TNIK: variants seen among roughly 807,000 people sequenced by gnomAD.
TNIK encodes TRAF2 and NCK interacting kinase, also known as TRAF2 and NCK-interacting protein kinase.
TNIK carries 49 observed loss-of-function variants against 191.3 expected under a neutral mutation model. The ratio of observed to expected loss-of-function variants is 0.26; its 90% CI spans 0.20 to 0.32. The LOEUF (loss-of-function observed/expected upper bound fraction) is 0.32, where lower values mean the gene tolerates loss of function less well. Ranked by LOEUF, TNIK falls within the 10% of genes least tolerant of loss-of-function variation. The pLI is 1.00. For missense variants in TNIK, 1,155 were observed against 1,702.3 expected, an observed-to-expected ratio of 0.68 and a Z score of 5.66; for synonymous variants, 594 against 600.9, an observed-to-expected ratio of 0.99 and a Z score of 0.17.
rs577467140 is a variant in TNIK, at chr3:171,060,520, T to C, written c.*3361A>G. ...GTGAGATTTCACCCATAACTTAATA[T>C]ACCCTGTTTAATAAAAATAATAGTT... On this transcript the variant is annotated 3_prime_UTR_variant, in exon 33 of 33. Transcript: ENST00000436636. 1.3e-5 allele frequency among the ~76,000 whole-genome samples: 2 copies of C among 152,310 alleles called. No homozygotes were observed. Among genetic ancestry groups the C allele is most frequent in the Non-Finnish European group, 2.9e-5 (2 of 68,018 alleles).
intron 3 of TNIK, among the ~76,000 whole-genome samples, chr3:171,211,682 G>A (rs879339709): frequency 3.9e-5 from 6 of 152,116 alleles, no homozygotes; most frequent in Admixed American, 6.5e-5. Flanking sequence ...CATTTTCTTT[G>A]AAGGCTCCTT....
intron 2 of TNIK, among the ~76,000 whole-genome samples, chr3:171,253,341 T>G (rs575617638): frequency 1.3e-5 from 2 of 151,762 alleles, no homozygotes; most frequent in East Asian, 3.9e-4. Flanking sequence ...ACTTCAAAGC[T>G]GTCCCTCTTG....
chr3:171,110,339 C>T lies in TNIK; in HGVS notation c.2284+375G>A, dbSNP rs567840303. Among the ~76,000 whole-genome samples the T allele has an allele frequency of 1.3e-3, 204 of 152,266 alleles. 4 individuals are homozygous for T. In the South Asian group the frequency reaches 0.04, roughly 30 times the overall value. On this transcript the variant is annotated intron_variant, in intron 19 of 32. Coordinates refer to ENST00000436636, the MANE Select transcript of TNIK (RefSeq NM_015028.4). ...TATGAACTATGTTCAGAATACTAAA[C>T]AGGACAATTGGTGCAATGCGTTCAG...
At chr3:171,150,079 G>A (rs929820250) in intron 12 of TNIK, among the ~76,000 whole-genome samples, 2 of 152,164 alleles carry the variant, frequency 1.3e-5, no homozygotes, top group Non-Finnish European at 2.9e-5. Flanking sequence ...AAACCCACAC[G>A]ATTTTCCTGT....
At chr3:171,418,996 C>G (rs1723419752) in intron 1 of TNIK, among the ~76,000 whole-genome samples, 1 of 152,090 alleles carries the variant, frequency 6.6e-6, no homozygotes, top group African/African-American at 2.4e-5. Context: ...TCCACTGTGT[C>G]CCCATATGGC....
At position 171,125,987 on chromosome 3, in the gene TNIK, A is replaced by G; in HGVS notation, c.1938T>C (p.Asn646=). 1 of 1,613,806 alleles carries G rather than the reference A, an allele frequency of 6.2e-7. No individual in the cohort carries two copies. The part of the protein sequence containing the change: ...PRQNSDPTSE[N]PPLPTRIEKF... ...TTTCAATGCGAGTGGGGAGAGGAGG[A>G]TTTTCCGAGGTGGGATCTGAGTTCT... Residue 646 remains asparagine (N), a synonymous_variant, in exon 17 of 33, where the codon AAT becomes AAC. Transcript: ENST00000436636.
intron 2 of TNIK, among the ~76,000 whole-genome samples, chr3:171,359,320 C>T (rs531780510): frequency 2.8e-4 from 43 of 152,208 alleles, no homozygotes; most frequent in Non-Finnish European, 5.9e-4. Context: ...TCACCTTCTC[C>T]TTAAAGGAGA....
At chr3:171,106,098 G>C (rs73037383) in intron 21 of TNIK, among the ~76,000 whole-genome samples, 2,280 of 152,296 alleles carry the variant, frequency 0.015, 57 homozygotes, top group African/African-American at 0.045. Flanking sequence ...GTGGCCATAA[G>C]TCTGAAAAAG....
chr3:171,378,099 C>T (rs1717510539), intron 1 of TNIK, among the ~76,000 whole-genome samples: 1 of 152,198 alleles, frequency 6.6e-6, no homozygotes, highest in South Asian at 2.1e-4. Flanking sequence ...ACCATGGTTG[C>T]TTGGTGTCCC....
chr3:171,140,177 G>C (rs568509575), intron 13 of TNIK, among the ~76,000 whole-genome samples: 1 of 152,318 alleles, frequency 6.6e-6, no homozygotes, highest in South Asian at 2.1e-4. Context: ...GGAAGATCCG[G>C]GTATGTCAGG....
At position 171,208,458 on chromosome 3, in the gene TNIK, C is replaced by A. The variant is rs1740378320; in HGVS notation, c.306+2658G>T. The stretch of plus-strand genomic sequence containing the variant: ...ATTAGTATACATTATATCAGATATC[C>A]CCACCAAGTTACTACGTATTTTTTC... On this transcript the variant is annotated intron_variant, in intron 4 of 32. Coordinates refer to ENST00000436636, the MANE Select transcript of TNIK (RefSeq NM_015028.4). Among the ~76,000 whole-genome samples the A allele has an allele frequency of 2.0e-5, 3 of 152,092 alleles. No homozygotes were observed. In the South Asian group the frequency reaches 6.2e-4, roughly 32 times the overall value.
intron 1 of TNIK, among the ~76,000 whole-genome samples, chr3:171,431,909 A>G (rs1725435033): frequency 1.3e-5 from 2 of 152,256 alleles, no homozygotes; most frequent in South Asian, 4.1e-4. Flanking sequence ...TTGAGAATGC[A>G]TACACAGAAA....
At chr3:171,325,175 C>A (rs990682455) in intron 2 of TNIK, among the ~76,000 whole-genome samples, 21 of 152,002 alleles carry the variant, frequency 1.4e-4, no homozygotes, top group Non-Finnish European at 2.9e-4. Context: ...AACAGGAAAG[C>A]CTTTCTCTCT....
chr3:171,354,050 C>T (rs900996390), intron 2 of TNIK, among the ~76,000 whole-genome samples: 1 of 151,778 alleles, frequency 6.6e-6, no homozygotes, highest in South Asian at 2.1e-4. Context: ...GGTGACACTG[C>T]GCTACCAAGA....
At chr3:171,265,106 A>C (rs1415593193) in intron 2 of TNIK, among the ~76,000 whole-genome samples, 2 of 152,214 alleles carry the variant, frequency 1.3e-5, no homozygotes, top group Non-Finnish European at 2.9e-5. Context: ...GCTATTTCTC[A>C]TGCAATTTGA....
chr3:171,243,428 T>TAA (rs35754359), intron 2 of TNIK, among the ~76,000 whole-genome samples: 4 of 147,070 alleles, frequency 2.7e-5, no homozygotes, highest in African/African-American at 5.0e-5. Context: ...TATAGTAAAT[T>TAA]AAAAAAAAAA....
intron 5 of TNIK, among the ~76,000 whole-genome samples, chr3:171,194,123 A>C (rs1738377675): frequency 6.6e-6 from 1 of 152,232 alleles, no homozygotes; most frequent in African/African-American, 2.4e-5. Context: ...TAATATATTA[A>C]TTGTGAACTT....
intron 1 of TNIK, among the ~76,000 whole-genome samples, chr3:171,451,606 C>G (rs1269860253): frequency 6.6e-6 from 1 of 152,148 alleles, no homozygotes; most frequent in Non-Finnish European, 1.5e-5. Context: ...TAAGATGGAG[C>G]CCTCCATGTG....
intron 9 of TNIK, among the ~76,000 whole-genome samples, chr3:171,172,432 CA>C (rs1262920299): frequency 6.6e-6 from 1 of 152,140 alleles, no homozygotes; most frequent in Non-Finnish European, 1.5e-5. Flanking sequence ...AAAACATAAA[CA>C]AAATGTTTCA....
Sources: allele counts gnomAD v4.1 joint callset (sites outside exome capture counted in the v4.1 genomes callset), GRCh38; gene constraint gnomAD v4.1.1; transcripts MANE v1.5; gene names NCBI Gene and HGNC (gene_info 2026-07-23, HGNC 2026-07-21).